Variants in FBXL7 observed in about 807,000 individuals in gnomAD.
The protein encoded by FBXL7 is F-box and leucine rich repeat protein 7, also known as F-box/LRR-repeat protein 7.
Under a neutral mutation model 38.3 loss-of-function variants are expected in FBXL7, and 12 were observed. That is an observed-to-expected ratio of 0.31 (90% CI 0.20 to 0.51). The LOEUF is 0.51. Ranked by LOEUF, FBXL7 falls within the 20% of genes least tolerant of loss-of-function variation. FBXL7 has a pLI of 0.98. For missense variants in FBXL7, 567 were observed against 676.4 expected, an observed-to-expected ratio of 0.84 and a Z score of 1.79; for synonymous variants, 297 against 300.9, an observed-to-expected ratio of 0.99 and a Z score of 0.13.
At chr5:15,726,161 T>C (rs1158847264) in intron 2 of FBXL7, among the ~76,000 whole-genome samples, 2 of 152,208 alleles carry the variant, frequency 1.3e-5, no homozygotes, top group African/African-American at 4.8e-5. Context: ...TTTTGTTTTA[T>C]ATTAATATAG....
chr5:15,752,954 C>G (rs1319854518), intron 2 of FBXL7, among the ~76,000 whole-genome samples: 1 of 152,180 alleles, frequency 6.6e-6, no homozygotes, highest in Non-Finnish European at 1.5e-5. Context: ...TTTAATCAAT[C>G]TTTGTTTTCA....
At chr5:15,649,186 G>A (rs1741630762) in intron 2 of FBXL7, among the ~76,000 whole-genome samples, 1 of 151,968 alleles carries the variant, frequency 6.6e-6, no homozygotes, top group African/African-American at 2.4e-5. Context: ...TAGGAGAGGC[G>A]GGGTTTCACC....
intron 2 of FBXL7, among the ~76,000 whole-genome samples, chr5:15,835,325 A>C (rs1738564767): frequency 6.6e-6 from 1 of 152,222 alleles, no homozygotes; most frequent in Admixed American, 6.5e-5. Context: ...AGAAGAAATT[A>C]AGAGAAGAAA....
chr5:15,793,787 C>G (rs1025289646), intron 2 of FBXL7, among the ~76,000 whole-genome samples: 13 of 152,150 alleles, frequency 8.5e-5, no homozygotes, highest in African/African-American at 3.1e-4. Flanking sequence ...GGGTATAGAA[C>G]AGTGAAGAAG....
chr5:15,808,562 C>G (rs1043354042), intron 2 of FBXL7, among the ~76,000 whole-genome samples: 1 of 152,152 alleles, frequency 6.6e-6, no homozygotes, highest in Non-Finnish European at 1.5e-5. Flanking sequence ...GAGTAAAAGA[C>G]AGTGACTTCT....
chr5:15,823,378 T>C (rs1380074114), intron 2 of FBXL7, among the ~76,000 whole-genome samples: 1 of 152,192 alleles, frequency 6.6e-6, no homozygotes, highest in Non-Finnish European at 1.5e-5. Flanking sequence ...CATTATAACC[T>C]GTCATTTGGA....
intron 2 of FBXL7, among the ~76,000 whole-genome samples, chr5:15,623,152 A>G (rs1740708070): frequency 6.6e-6 from 1 of 152,250 alleles, no homozygotes; most frequent in Non-Finnish European, 1.5e-5. Flanking sequence ...AGCTGGTTGC[A>G]GAGCTGAAGC....
Position 15,927,948 on chromosome 5 carries a change from G to A in FBXL7, c.186G>A (p.Pro62=), listed in dbSNP as rs372462079. The A allele has an allele frequency of 1.3e-6, 2 of 1,565,400 alleles. No individual in the cohort carries two copies. Among genetic ancestry groups the A allele is most frequent in the African/African-American group, 2.7e-5 (2 of 73,972 alleles). Residue 62 remains proline (P), a synonymous_variant, in exon 3 of 4, where the codon CCG becomes CCA. Transcript: ENST00000504595. ...STPSPALICP[P]NLPGFQNGRG... ...CCAGCCCAGCCCTGATATGTCCACC[G>A]AATCTCCCAGGATTTCAGAATGGAA... is the stretch of plus-strand genomic sequence containing the variant.
At chr5:15,851,411 C>T (rs1386210416) in intron 2 of FBXL7, among the ~76,000 whole-genome samples, 1 of 152,138 alleles carries the variant, frequency 6.6e-6, no homozygotes, top group Non-Finnish European at 1.5e-5. Context: ...GGAATAAAGC[C>T]TTGTTCTTCT....
chr5:15,741,066 T>C (rs1735883060), intron 2 of FBXL7, among the ~76,000 whole-genome samples: 1 of 152,146 alleles, frequency 6.6e-6, no homozygotes, highest in South Asian at 2.1e-4. Flanking sequence ...CTTAGCCTGA[T>C]CCTCTCTCTT....
At chr5:15,579,926 TC>T (rs1739082480) in intron 1 of FBXL7, among the ~76,000 whole-genome samples, 1 of 152,290 alleles carries the variant, frequency 6.6e-6, no homozygotes, top group African/African-American at 2.4e-5. Context: ...AGTTGCTTAT[TC>T]CAGGGAAGCA....
chr5:15,585,213 T>G (rs887700416), intron 1 of FBXL7, among the ~76,000 whole-genome samples: 5 of 152,152 alleles, frequency 3.3e-5, no homozygotes, highest in African/African-American at 1.2e-4. Context: ...CATTTGTAAT[T>G]TGCATTAGAT....
At chr5:15,548,578 T>G (rs1232326490) in intron 1 of FBXL7, among the ~76,000 whole-genome samples, 1 of 152,130 alleles carries the variant, frequency 6.6e-6, no homozygotes, top group Admixed American at 6.5e-5. Context: ...TTTGTAGAAA[T>G]GTATTGGCCA....
chr5:15,705,203 C>T (rs1654869349), intron 2 of FBXL7, among the ~76,000 whole-genome samples: 2 of 152,194 alleles, frequency 1.3e-5, no homozygotes, highest in Non-Finnish European at 2.9e-5. Flanking sequence ...GTTAGAGGCT[C>T]AGCACTGTGA....
chr5:15,502,168 G>A (rs1580340209), intron 1 of FBXL7, among the ~76,000 whole-genome samples: 1 of 152,248 alleles, frequency 6.6e-6, no homozygotes, highest in Non-Finnish European at 1.5e-5. Flanking sequence ...GTGTATGCTA[G>A]TTGAACACTG....
rs141692441 is a variant in FBXL7, at chr5:15,884,272, C to CT, written c.128-43616dup. Among the ~76,000 whole-genome samples the CT allele has an allele frequency of 2.0e-4, 29 of 147,556 alleles. 1 individual carries two copies. The highest frequency in any genetic ancestry group is 6.1e-4 in the African/African-American group (24 of 39,264). On this transcript the variant is annotated intron_variant, in intron 2 of 3. Transcript: ENST00000504595. The stretch of plus-strand genomic sequence containing the variant: ...ATCTTCTTTCTTTCTTTCTTTCTTT[C>CT]TTCTTTTTTTTTGAGATGGAGTCTC...
At chr5:15,834,213 C>G (rs1417003820) in intron 2 of FBXL7, among the ~76,000 whole-genome samples, 1 of 152,136 alleles carries the variant, frequency 6.6e-6, no homozygotes, top group Non-Finnish European at 1.5e-5. Context: ...ACAAATCCAC[C>G]TAAGGGCTGT....
At chr5:15,592,733 T>C (rs1739520218) in intron 1 of FBXL7, among the ~76,000 whole-genome samples, 2 of 152,152 alleles carry the variant, frequency 1.3e-5, no homozygotes, top group East Asian at 1.9e-4. Context: ...TTGTTTTCTG[T>C]ATAAATTTAA....
At chr5:15,531,446 C>G (rs940305081) in intron 1 of FBXL7, among the ~76,000 whole-genome samples, 1 of 152,134 alleles carries the variant, frequency 6.6e-6, no homozygotes, top group Admixed American at 6.5e-5. Context: ...ACATGAAAGA[C>G]AACTCTAAAA....
Sources: gnomAD v4.1 joint callset for allele counts (sites outside exome capture counted in the v4.1 genomes callset) on GRCh38, gnomAD v4.1.1 for gene constraint, MANE v1.5 for transcripts, NCBI Gene and HGNC (gene_info 2026-07-23, HGNC 2026-07-21) for gene names.